The following UBAC2 variants were observed in gnomAD, a reference collection of about 807,000 sequenced individuals.
UBAC2 encodes the protein UBA domain containing 2, also known as ubiquitin-associated domain-containing protein 2.
Under a neutral mutation model 44.0 loss-of-function variants are expected in UBAC2, and 26 were observed. That is an observed-to-expected ratio of 0.59 (90% CI 0.43 to 0.82). The LOEUF (loss-of-function observed/expected upper bound fraction) is 0.82. Ranked by LOEUF, UBAC2 falls within the 40% of genes least tolerant of loss-of-function variation. UBAC2 has a pLI of 0.00. For synonymous variants in UBAC2, 155 were observed against 154.3 expected, an observed-to-expected ratio of 1.00 and a Z score of -0.04; for missense variants, 329 against 419.4, an observed-to-expected ratio of 0.78 and a Z score of 1.88.
Position 99,324,256 on chromosome 13 carries a change from C to T in UBAC2, c.561+6187C>T, listed in dbSNP as rs150888953. 8.0e-4 allele frequency among the ~76,000 whole-genome samples: 122 copies of T among 152,290 alleles called. 1 individual carries two copies. The East Asian group carries it at 0.02, about 25-fold the overall frequency. ...TCTGCCCCTCTCTACTGAAGCCCTC[C>T]CTATAGGGCCTCTGCATGCCCTGTT... On this transcript the variant is annotated intron_variant, in intron 6 of 8. Transcript: ENST00000403766.
At chr13:99,322,538 GA>G (rs1458244161) in intron 6 of UBAC2, among the ~76,000 whole-genome samples, 3 of 152,138 alleles carry the variant, frequency 2.0e-5, no homozygotes, top group African/African-American at 7.2e-5. Context: ...AGCTGTTTGA[GA>G]GTGAATTAAC....
intron 5 of UBAC2, among the ~76,000 whole-genome samples, chr13:99,315,897 A>G (rs9517683): frequency 0.33 from 50,513 of 151,596 alleles, 9,368 homozygotes; most frequent in East Asian, 0.6. Flanking sequence ...CATGGCCTTC[A>G]TCACGGGGCC....
At chr13:99,225,887 T>G (rs1483478466) in intron 1 of UBAC2, among the ~76,000 whole-genome samples, 1 of 152,234 alleles carries the variant, frequency 6.6e-6, no homozygotes, top group African/African-American at 2.4e-5. Context: ...TTGGCAGCGT[T>G]TATTTTTTAG....
At chr13:99,332,005 G>A (rs1190833733) in intron 6 of UBAC2, among the ~76,000 whole-genome samples, 2 of 152,106 alleles carry the variant, frequency 1.3e-5, no homozygotes, top group Admixed American at 1.3e-4. Context: ...GGGCTCAGTT[G>A]CAAGGGGACA....
chr13:99,315,315 G>T (rs1048742944), intron 5 of UBAC2, among the ~76,000 whole-genome samples: 3 of 152,136 alleles, frequency 2.0e-5, no homozygotes, highest in Non-Finnish European at 4.4e-5. Context: ...TGTGACAGAG[G>T]CCATGTGGAA....
chr13:99,237,749 G>GT (rs1408183550), intron 1 of UBAC2, among the ~76,000 whole-genome samples: 1 of 152,234 alleles, frequency 6.6e-6, no homozygotes, highest in East Asian at 1.9e-4. Flanking sequence ...GAGCCCAGGA[G>GT]TTTGAGACCA....
chr13:99,206,397 C>T (rs766312940), intron 1 of UBAC2, among the ~76,000 whole-genome samples: 21 of 152,186 alleles, frequency 1.4e-4, no homozygotes, highest in Non-Finnish European at 2.5e-4. Context: ...GGAGGAGTTG[C>T]GTCTCTTCCC....
intron 7 of UBAC2, among the ~76,000 whole-genome samples, chr13:99,353,176 A>T (rs1384826666): frequency 9.2e-5 from 14 of 152,264 alleles, no homozygotes. Context: ...AGTATATAGC[A>T]TCAGATGTGG....
At chr13:99,287,966 A>G (rs1394139065) in intron 4 of UBAC2, among the ~76,000 whole-genome samples, 3 of 152,240 alleles carry the variant, frequency 2.0e-5, no homozygotes, top group Admixed American at 6.5e-5. Context: ...TTATTTTTAT[A>G]GGCTAATATA....
intron 4 of UBAC2, among the ~76,000 whole-genome samples, chr13:99,275,319 C>T (rs1002453083): frequency 2.6e-5 from 4 of 152,274 alleles, no homozygotes; most frequent in East Asian, 1.9e-4. Context: ...TGCCTCCTGA[C>T]ATAGCAGCTA....
intron 1 of UBAC2, among the ~76,000 whole-genome samples, chr13:99,228,352 A>G (rs1023187009): frequency 5.3e-5 from 8 of 151,788 alleles, no homozygotes; most frequent in Admixed American, 2.0e-4. Context: ...CAATGGCACA[A>G]TCTCGGCTCA....
At chr13:99,364,694 T>C (rs1175633450) in intron 7 of UBAC2, among the ~76,000 whole-genome samples, 1 of 152,214 alleles carries the variant, frequency 6.6e-6, no homozygotes, top group Non-Finnish European at 1.5e-5. Context: ...AAGTACATGC[T>C]ATATAATAAT....
chr13:99,225,126 T>C (rs527907738), intron 1 of UBAC2, among the ~76,000 whole-genome samples: 1 of 152,188 alleles, frequency 6.6e-6, no homozygotes, highest in South Asian at 2.1e-4. Context: ...TTTGCTTATA[T>C]TTAGTTTTAA....
chr13:99,203,582 G>T (rs2042832645), intron 1 of UBAC2, among the ~76,000 whole-genome samples: 1 of 152,168 alleles, frequency 6.6e-6, no homozygotes, highest in Non-Finnish European at 1.5e-5. Flanking sequence ...TGTCTGTTGG[G>T]TACCCATATC....
chr13:99,330,961 T>C (rs1048186741), intron 6 of UBAC2, among the ~76,000 whole-genome samples: 6 of 152,232 alleles, frequency 3.9e-5, no homozygotes, highest in Admixed American at 6.5e-5. Context: ...AAATGGATAT[T>C]AGAAGGTGTT....
rs3031439 is a variant in UBAC2, at chr13:99,347,319, G to GCCCCCCC, written c.807+6763_807+6769dup. ...GATTCAGACGTTACTATCCCCGGGC[G>GCCCCCCC]CCCCCCCCCCCCCCCAGGAAAAAAA... On this transcript the variant is annotated intron_variant, in intron 7 of 8. Coordinates refer to ENST00000403766, the MANE Select transcript of UBAC2 (RefSeq NM_001144072.2). Among the ~76,000 whole-genome samples the GCCCCCCC allele has an allele frequency of 9.7e-5, 2 of 20,550 alleles. 1 individual carries two copies. The highest frequency in any genetic ancestry group is 2.5e-4 in the Non-Finnish European group (2 of 7,938). 13.5% of individuals were successfully genotyped at this position (20,550 alleles called of 152,430 possible).
intron 4 of UBAC2, among the ~76,000 whole-genome samples, chr13:99,308,302 A>G (rs1318790645): frequency 6.6e-6 from 1 of 152,190 alleles, no homozygotes; most frequent in Non-Finnish European, 1.5e-5. Flanking sequence ...AGGTCTTAGG[A>G]GAACTGATTA....
chr13:99,309,850 C>T (rs994288014), intron 4 of UBAC2, among the ~76,000 whole-genome samples: 3 of 151,646 alleles, frequency 2.0e-5, no homozygotes, highest in Non-Finnish European at 4.4e-5. Context: ...GACCTCAAGC[C>T]ATCTGCCCAC....
chr13:99,242,853 C>G (rs9557185), intron 2 of UBAC2, among the ~76,000 whole-genome samples: 11 of 100,224 alleles, frequency 1.1e-4, no homozygotes, highest in Admixed American at 3.2e-4. Flanking sequence ...CGGGCAGAGA[C>G]GCTCCTCACC....
Sources: gnomAD v4.1 joint callset for allele counts (sites outside exome capture counted in the v4.1 genomes callset) on GRCh38, gnomAD v4.1.1 for gene constraint, MANE v1.5 for transcripts, NCBI Gene and HGNC (gene_info 2026-07-23, HGNC 2026-07-21) for gene names.